Variants in CLEC12A observed in about 807,000 individuals in gnomAD.
CLEC12A encodes the protein C-type lectin domain family 12 member A, also known as C-type lectin protein CLL-1.
Under a neutral mutation model 26.5 loss-of-function variants are expected in CLEC12A, and 22 were observed. The observed-to-expected ratio is 0.83, with a 90% CI of 0.59 to 1.19. The LOEUF is 1.19. Ranked by LOEUF, CLEC12A falls within the 50% of genes most tolerant of loss-of-function variation. The pLI, the probability that CLEC12A is intolerant of heterozygous loss-of-function variation, is 0.00. For missense variants in CLEC12A, 353 were observed against 315.6 expected (o/e 1.12, Z -0.90); for synonymous variants, 119 against 101.9 (o/e 1.17, Z -1.01).
chr12:9,998,659 G>GTT (rs1241016496), downstream of CLEC12A, among the ~76,000 whole-genome samples: 1 of 151,592 alleles, frequency 6.6e-6, no homozygotes, highest in Non-Finnish European at 1.5e-5. Flanking sequence ...GTTTTGTTTT[G>GTT]TTTTGTTTTG....
Position 9,960,914 on chromosome 12 carries a change from G to T in CLEC12A, c.10+9558G>T, listed in dbSNP as rs112081782. 1.3e-3 allele frequency among the ~76,000 whole-genome samples: 197 copies of T among 152,108 alleles called. 1 individual carries two copies. Among genetic ancestry groups the T allele is most frequent in the African/African-American group, 4.6e-3 (192 of 41,468 alleles). On this transcript the variant is annotated intron_variant, in intron 1 of 6. Coordinates refer to the CLEC12A transcript ENST00000355690. ...TAATTTCTATTTTTCCCCTGTCCACGTAGCATCAAACTCTGTAAAATATTT... is the reference window on the plus strand; with the variant it reads ...TAATTTCTATTTTTCCCCTGTCCACTTAGCATCAAACTCTGTAAAATATTT...
chr12:9,979,532 T>G lies in CLEC12A; in HGVS notation c.379+8T>G, dbSNP rs1165124742. On this transcript the variant is annotated splice_region_variant and intron_variant, in intron 3 of 5. Coordinates refer to ENST00000304361, the MANE Select transcript of CLEC12A (RefSeq NM_138337.6). The stretch of plus-strand genomic sequence containing the variant: ...TATATAGCAAAGAACAAGGTAATCT[T>G]GTATTCTCTTGGAGTTATTTATTGG... The G allele has an allele frequency of 6.3e-7, 1 of 1,597,356 alleles. No individual in the cohort carries two copies. The highest frequency in any genetic ancestry group is 8.5e-7 in the Non-Finnish European group (1 of 1,169,988).
intron 4 of CLEC12A, 36 bp downstream of exon 4, chr12:9,980,769 G>A: frequency 1.9e-6 from 3 of 1,605,726 alleles, no homozygotes; most frequent in South Asian, 2.2e-5. Context: ...ATGGGATAGA[G>A]AGGGGTGTGG....
At chr12:9,993,298 A>G (rs746730744) in intron 4 of CLEC12A, 5 of 1,610,462 alleles carry the variant, frequency 3.1e-6, no homozygotes, top group Admixed American at 3.3e-5. Context: ...CTGTGAAGGG[A>G]AAGTTAGAAT....
At chr12:9,971,894 A>T (rs1864142672) in intron 1 of CLEC12A, among the ~76,000 whole-genome samples, 1 of 152,202 alleles carries the variant, frequency 6.6e-6, no homozygotes. Flanking sequence ...TTGAATAATC[A>T]ATCTTTTACA....
chr12:9,996,053 C>T (rs1002111997), downstream of CLEC12A, among the ~76,000 whole-genome samples: 14 of 152,046 alleles, frequency 9.2e-5, no homozygotes, highest in Admixed American at 8.5e-4. Context: ...CCCAGAATAA[C>T]AAGTGATAAT....
rs532223143 is a variant in CLEC12A, at chr12:9,971,472, A to G, written c.-125A>G. On this transcript the variant is annotated 5_prime_UTR_variant, in exon 1 of 6. An upstream open reading frame in the 5' UTR loses its in-frame stop. Coordinates refer to ENST00000304361, the MANE Select transcript of CLEC12A (RefSeq NM_138337.6). ...TTTATAAACAGAAGTTTAAACTTGT[A>G]AGCTTAAGCTTCCGTTTATAAACAG... is the stretch of plus-strand genomic sequence containing the variant. 2.0e-4 allele frequency: 279 copies of G among 1,405,316 alleles called. No homozygotes were observed. Among genetic ancestry groups the G allele is most frequent in the Non-Finnish European group, 2.4e-4 (255 of 1,081,822 alleles). 87.1% of individuals were successfully genotyped at this position (1,405,316 alleles called of 1,614,324 possible).
At position 9,954,205 on chromosome 12, in the gene CLEC12A, T is replaced by TAAAA. The variant is rs35173002; in HGVS notation, c.10+2874_10+2877dup. Among the ~76,000 whole-genome samples the TAAAA allele has an allele frequency of 1.1e-3, 71 of 64,426 alleles. 4 individuals are homozygous for TAAAA. The highest frequency in any genetic ancestry group is 2.5e-3 in the African/African-American group (45 of 17,880). The allele number at this position is 64,426 out of a possible 152,430, so 42.3% of individuals were successfully genotyped here. ...GTGAGAAACACCCAAGAATTATCAA[T>TAAAA]AAAAAAAAAAAAAAAAAAAAAAAAA... On this transcript the variant is annotated intron_variant, in intron 1 of 6. Coordinates refer to the CLEC12A transcript ENST00000355690.
the CLEC12A span, among the ~76,000 whole-genome samples, chr12:10,002,448 T>TG: frequency 0.068 from 2,298 of 33,656 alleles, 725 homozygotes; most frequent in Admixed American, 0.34. Flanking sequence ...ATGTTTTTTT[T>TG]TTTTTTTTTT....
upstream of CLEC12A, among the ~76,000 whole-genome samples, chr12:9,968,802 A>G (rs1230504370): frequency 6.6e-6 from 1 of 152,234 alleles, no homozygotes; most frequent in Non-Finnish European, 1.5e-5. Flanking sequence ...GTATTCAACT[A>G]GAATGAAAAT....
chr12:9,996,957 A>G (rs866749310), downstream of CLEC12A: 4 of 1,614,094 alleles, frequency 2.5e-6, no homozygotes, highest in Middle Eastern at 1.6e-4. Flanking sequence ...AGCTATCTCC[A>G]TAATATCTCC....
chr12:9,985,972 T>G (rs867548295), downstream of CLEC12A: 3 of 184,090 alleles, frequency 1.6e-5, no homozygotes, highest in Middle Eastern at 1.0e-3. Context: ...TTTTTTTCTT[T>G]AAAACCAGCC....
intron 4 of CLEC12A, among the ~76,000 whole-genome samples, chr12:9,981,221 G>A (rs781507017): frequency 2.0e-5 from 3 of 152,136 alleles, no homozygotes; most frequent in Non-Finnish European, 4.4e-5. Flanking sequence ...GATGGCACAG[G>A]CAAGTGTCAG....
At chr12:9,966,285 T>G (rs1039521471) in intron 1 of CLEC12A, among the ~76,000 whole-genome samples, 3 of 152,050 alleles carry the variant, frequency 2.0e-5, no homozygotes, top group Non-Finnish European at 4.4e-5. Context: ...CTAGAGTGTC[T>G]GTGATGGTCC....
chr12:9,982,167 T>G (rs1864586981), intron 5 of CLEC12A, 38 bp downstream of exon 5: 1 of 1,123,366 alleles, frequency 8.9e-7, no homozygotes, highest in Non-Finnish European at 1.4e-6. Flanking sequence ...ATAGCTGGGT[T>G]TGAGTAGAGG....
chr12:9,998,316 C>T (rs1324279092), downstream of CLEC12A: 1 of 1,614,108 alleles, frequency 6.2e-7, no homozygotes. Flanking sequence ...CGACAACCAT[C>T]CCCACGCACA....
At chr12:9,965,730 G>A (rs620576) in intron 1 of CLEC12A, among the ~76,000 whole-genome samples, 144,756 of 151,784 alleles carry the variant, frequency 0.95, 69,076 homozygotes, top group East Asian at 0.99. Context: ...AATTGTAAGG[G>A]GAGTTTATAG....
At chr12:9,989,455 G>C (rs1323847937), downstream of CLEC12A, among the ~76,000 whole-genome samples, 1 of 152,160 alleles carries the variant, frequency 6.6e-6, no homozygotes, top group East Asian at 1.9e-4. Context: ...GAGAAAGTTT[G>C]GTGGTCTGGA....
chr12:9,955,454 T>C (rs1373806897), intron 1 of CLEC12A, among the ~76,000 whole-genome samples: 1 of 152,182 alleles, frequency 6.6e-6, no homozygotes, highest in East Asian at 1.9e-4. Flanking sequence ...AACAAGGAAA[T>C]AATGAATAGC....
Sources: gnomAD v4.1 joint callset for allele counts (sites outside exome capture counted in the v4.1 genomes callset) on GRCh38, gnomAD v4.1.1 for gene constraint, MANE v1.5 for transcripts, NCBI Gene and HGNC (gene_info 2026-07-23, HGNC 2026-07-21) for gene names.